Variants in AHCY observed in about 807,000 individuals in gnomAD.
The protein encoded by AHCY is adenosylhomocysteinase.
AHCY carries 24 observed loss-of-function variants against 45.4 expected under a neutral mutation model. That is an observed-to-expected ratio of 0.53 (90% CI 0.38 to 0.74). The LOEUF is 0.74. AHCY is among the 30% of genes least tolerant of loss of function. The pLI is 0.00. For missense variants in AHCY, 449 were observed against 594.1 expected, an observed-to-expected ratio of 0.76 and a Z score of 2.54; for synonymous variants, 245 against 235.1, an observed-to-expected ratio of 1.04 and a Z score of -0.39.
At chr20:34,302,009 T>G in intron 1 of AHCY, 3 of 984,018 alleles carry the variant, frequency 3.0e-6, no homozygotes, top group Non-Finnish European at 3.6e-6. Context: ...TTTGTTTGTT[T>G]TTTTTTTTTG....
At chr20:34,235,539 C>G in the AHCY span, among the ~76,000 whole-genome samples, 1 of 152,046 alleles carries the variant, frequency 6.6e-6, no homozygotes, top group Admixed American at 6.6e-5. Context: ...TTCTAATGAC[C>G]TAGATTGAAG....
At chr20:34,293,966 G>A (rs566011101) in intron 3 of AHCY, 115 bp downstream of exon 3, 52 of 1,051,454 alleles carry the variant, frequency 4.9e-5, no homozygotes, top group African/African-American at 2.3e-4. Context: ...ATTTTGTGGC[G>A]GTGACTCCTC....
chr20:34,238,567 T>A, the AHCY span, among the ~76,000 whole-genome samples: 1 of 152,142 alleles, frequency 6.6e-6, no homozygotes, highest in Non-Finnish European at 1.5e-5. Flanking sequence ...TACTTGTTTT[T>A]TTCACTCTCC....
chr20:34,281,220 ACG>A, intron 9 of AHCY, 55 bp from the exon 10 acceptor site: 1 of 1,608,238 alleles, frequency 6.2e-7, no homozygotes, highest in Non-Finnish European at 8.5e-7. Context: ...GGACCCCTAC[ACG>A]CGTCTGGCTG....
chr20:34,241,718 A>C, the AHCY span, among the ~76,000 whole-genome samples: 2 of 152,226 alleles, frequency 1.3e-5, no homozygotes, highest in Non-Finnish European at 2.9e-5. Context: ...TCCATTGCCT[A>C]GCAGTAAACG....
In AHCY at chr20:34,295,589, C is replaced by T. The variant is rs774846394; in HGVS notation, c.29-4G>A. ...CAGGCAGCCAGGCCGATGTCGGCTACGGGAGGAAACAGGTGGGAGTTCCGT... is the reference window on the plus strand; with the variant it reads ...CAGGCAGCCAGGCCGATGTCGGCTATGGGAGGAAACAGGTGGGAGTTCCGT... On this transcript the variant is annotated splice_region_variant and splice_polypyrimidine_tract_variant and intron_variant, in intron 1 of 9. Transcript: ENST00000217426. 3.3e-5 allele frequency: 54 copies of T among 1,613,606 alleles called. No homozygotes were observed. The highest frequency in any genetic ancestry group is 2.7e-4 in the East Asian group (12 of 44,882).
the AHCY span, among the ~76,000 whole-genome samples, chr20:34,237,629 G>A: frequency 9.9e-5 from 15 of 152,150 alleles, no homozygotes; most frequent in South Asian, 1.4e-3. Flanking sequence ...TTTTTAATGC[G>A]GATGGCTTTG....
At chr20:34,275,553 A>G (rs1436874113), downstream of AHCY, among the ~76,000 whole-genome samples, 1 of 152,154 alleles carries the variant, frequency 6.6e-6, no homozygotes, top group Non-Finnish European at 1.5e-5. Flanking sequence ...AAAGAAGGTA[A>G]CTTTCTGGGG....
At chr20:34,244,104 G>A in the AHCY span, among the ~76,000 whole-genome samples, 1 of 152,098 alleles carries the variant, frequency 6.6e-6, no homozygotes, top group Admixed American at 6.6e-5. Flanking sequence ...ATTCAAGATC[G>A]TAATTTGCAT....
chr20:34,238,539 A>C, the AHCY span, among the ~76,000 whole-genome samples: 1 of 151,764 alleles, frequency 6.6e-6, no homozygotes, highest in African/African-American at 2.4e-5. Context: ...ATCTCTATTG[A>C]TATTCCCCTT....
chr20:34,285,855 C>T (rs1031754313), intron 8 of AHCY, among the ~76,000 whole-genome samples: 12 of 152,274 alleles, frequency 7.9e-5, no homozygotes, highest in African/African-American at 2.9e-4. Context: ...AATCCCAGCA[C>T]TTTGGAAGGC....
chr20:34,246,648 G>T, the AHCY span: 1 of 544,544 alleles, frequency 1.8e-6, no homozygotes, highest in Non-Finnish European at 3.4e-6. Context: ...GGTAGAGATG[G>T]GGTTTCGCCA....
the AHCY span, chr20:34,246,107 C>A: frequency 1.8e-5 from 16 of 889,784 alleles, no homozygotes; most frequent in Non-Finnish European, 2.6e-5. Flanking sequence ...GAGCAAAAAT[C>A]TTTGTGCTTC....
At chr20:34,283,337 G>T (rs192172417) in intron 9 of AHCY, among the ~76,000 whole-genome samples, 1 of 152,268 alleles carries the variant, frequency 6.6e-6, no homozygotes, top group Non-Finnish European at 1.5e-5. Flanking sequence ...CCATTCGCAG[G>T]ATGGATGGAT....
At chr20:34,252,922 C>T in the AHCY span, among the ~76,000 whole-genome samples, 4 of 152,324 alleles carry the variant, frequency 2.6e-5, no homozygotes, top group South Asian at 8.3e-4. Context: ...ACATCCTGCA[C>T]AGCCCTAAAT....
chr20:34,271,015 T>C, the AHCY span, among the ~76,000 whole-genome samples: 192 of 152,128 alleles, frequency 1.3e-3, no homozygotes, highest in African/African-American at 4.5e-3. Context: ...ACTCTGTCAC[T>C]CAGGTGGGAG....
In AHCY at chr20:34,295,495, G is replaced by C. The variant is rs773641822; in HGVS notation, c.119C>G (p.Ser40Trp). Residue 40 changes from serine to tryptophan, a missense_variant, in exon 2 of 10, where the codon TCG becomes TGG. Ser to Trp is a radical substitution (Grantham distance 177). Coordinates refer to ENST00000217426, the MANE Select transcript of AHCY (RefSeq NM_000687.4). ...PGLMRMRERYSASKPLKGARI... is the reference protein window; with the variant it reads ...PGLMRMRERYWASKPLKGARI... ...GGCGCCCTTCAGTGGCTTGGAGGCC[G>C]AGTACCGCTCCCGCATACGCATCAG... The C allele has an allele frequency of 6.2e-7, 1 of 1,613,898 alleles. No individual in the cohort carries two copies. The highest frequency in any genetic ancestry group is 1.3e-5 in the African/African-American group (1 of 74,934).
At chr20:34,262,812 C>T in the AHCY span, 2 of 1,613,722 alleles carry the variant, frequency 1.2e-6, no homozygotes, top group East Asian at 2.2e-5. Flanking sequence ...TGACTTTGCT[C>T]CTTTTGTCTC....
In AHCY at chr20:34,286,907, T is replaced by C. The variant is rs1173360181; in HGVS notation, c.973-1273A>G. Among the ~76,000 whole-genome samples the C allele has an allele frequency of 6.7e-5, 10 of 148,826 alleles. No homozygotes were observed. The East Asian group carries it at 1.6e-3, about 23-fold the overall frequency. ...AGACTCCTATTCCTGTGGCCCACAG[T>C]GTGGCTCCCAGGTGACTGCCAAGGT... On this transcript the variant is annotated intron_variant, in intron 8 of 9. Transcript: ENST00000217426.
Sources: allele counts gnomAD v4.1 joint callset (sites outside exome capture counted in the v4.1 genomes callset), GRCh38; gene constraint gnomAD v4.1.1; transcripts MANE v1.5; gene names NCBI Gene and HGNC (gene_info 2026-07-23, HGNC 2026-07-21).